Variants in ST3GAL1 observed in about 807,000 individuals in gnomAD.
ST3GAL1 encodes the protein ST3 beta-galactoside alpha-2,3-sialyltransferase 1.
In ST3GAL1, 16 loss-of-function variants were observed where a neutral mutation model predicts 34.1. That is an observed-to-expected ratio of 0.47 (90% CI 0.32 to 0.71). ST3GAL1 has a LOEUF of 0.71. ST3GAL1 is among the 30% of genes least tolerant of loss of function. The pLI, the probability that ST3GAL1 is intolerant of heterozygous loss-of-function variation, is 0.04. For synonymous variants in ST3GAL1, 191 were observed against 184.7 expected (o/e 1.03, Z -0.28); for missense variants, 353 against 447.4 (o/e 0.79, Z 1.90).
chr8:133,499,925 G>A (rs1478107813), intron 2 of ST3GAL1, among the ~76,000 whole-genome samples: 1 of 152,210 alleles, frequency 6.6e-6, no homozygotes, highest in African/African-American at 2.4e-5. Context: ...AGGGGCGGGA[G>A]GTAGTTCTGA....
chr8:133,502,040 A>T (rs1019207685), intron 2 of ST3GAL1, among the ~76,000 whole-genome samples: 1 of 152,184 alleles, frequency 6.6e-6, no homozygotes, highest in African/African-American at 2.4e-5. Context: ...GGACTCAAGC[A>T]TCCATTTCCT....
Position 133,476,091 on chromosome 8 carries a change from A to C in ST3GAL1, c.-50-17T>G. ...AACTCCCTCCTAAGAGAGGAGAAAAATGGAAGAAAAATCCCAGAGGTGGAG... is the reference window on the plus strand; with the variant it reads ...AACTCCCTCCTAAGAGAGGAGAAAACTGGAAGAAAAATCCCAGAGGTGGAG... On this transcript the variant is annotated splice_polypyrimidine_tract_variant and intron_variant, in intron 4 of 9. Transcript: ENST00000522652. The C allele has an allele frequency of 6.7e-7, 1 of 1,495,334 alleles. No homozygotes were observed. Among genetic ancestry groups the C allele is most frequent in the Non-Finnish European group, 8.9e-7 (1 of 1,118,114 alleles). 92.6% of individuals were successfully genotyped at this position (1,495,334 alleles called of 1,614,324 possible).
chr8:133,483,179 T>A (rs563533759), intron 3 of ST3GAL1, among the ~76,000 whole-genome samples: 93 of 152,108 alleles, frequency 6.1e-4, no homozygotes, highest in Non-Finnish European at 1.1e-3. Context: ...CTGTGTCTAC[T>A]AAAAATACAA....
intron 2 of ST3GAL1, among the ~76,000 whole-genome samples, chr8:133,535,031 G>A (rs79975765): frequency 0.034 from 5,147 of 152,326 alleles, 160 homozygotes; most frequent in East Asian, 0.14. Flanking sequence ...GCAGGGGTTT[G>A]AGGGCTGACG....
At chr8:133,460,314 T>C (rs575055387) in intron 9 of ST3GAL1, among the ~76,000 whole-genome samples, 1 of 152,224 alleles carries the variant, frequency 6.6e-6, no homozygotes, top group East Asian at 1.9e-4. Flanking sequence ...GAGCAGGGCT[T>C]TGGGGCCAAG....
intron 3 of ST3GAL1, among the ~76,000 whole-genome samples, chr8:133,495,712 A>C (rs11784522): frequency 0.93 from 141,165 of 152,268 alleles, 65,501 homozygotes; most frequent in East Asian, 1. Context: ...GATGGTGGAT[A>C]CCCCAAGCTC....
At chr8:133,547,864 G>A (rs1236605398) in intron 1 of ST3GAL1, among the ~76,000 whole-genome samples, 2 of 152,192 alleles carry the variant, frequency 1.3e-5, no homozygotes, top group Non-Finnish European at 2.9e-5. Context: ...TGATTATGAA[G>A]AGATAATGAG....
At position 133,529,559 on chromosome 8, in the gene ST3GAL1, G is replaced by A. The variant is rs148244844; in HGVS notation, c.-429+16215C>T. Among the ~76,000 whole-genome samples the A allele has an allele frequency of 4.0e-3, 608 of 152,274 alleles. 5 individuals carry two copies. Among genetic ancestry groups the A allele is most frequent in the African/African-American group, 0.014 (575 of 41,556 alleles). ...TCAAGGGACCCAGAGGAGGGGCTCC[G>A]GGCCCCATGGTGGGCTCTAGGGTAG... On this transcript the variant is annotated intron_variant, in intron 2 of 9. Coordinates refer to ENST00000522652, the MANE Select transcript of ST3GAL1 (RefSeq NM_173344.3).
chr8:133,495,014 G>A (rs1348941829), intron 3 of ST3GAL1, among the ~76,000 whole-genome samples: 1 of 149,478 alleles, frequency 6.7e-6, no homozygotes, highest in Non-Finnish European at 1.5e-5. Flanking sequence ...CACCTCCTGG[G>A]TTCAAGCAAT....
At chr8:133,464,736 C>T (rs1416909326) in intron 7 of ST3GAL1, 42 bp downstream of exon 7, 7 of 1,571,820 alleles carry the variant, frequency 4.5e-6, no homozygotes, top group Non-Finnish European at 6.1e-6. Context: ...GGTGCCACTG[C>T]AAGGGGCAGA....
At chr8:133,547,178 C>G (rs565763731) in intron 1 of ST3GAL1, among the ~76,000 whole-genome samples, 3 of 152,250 alleles carry the variant, frequency 2.0e-5, no homozygotes, top group Non-Finnish European at 4.4e-5. Context: ...GGCCACGAGA[C>G]TTGCTTTAGC....
At chr8:133,500,365 G>C (rs1218986863) in intron 2 of ST3GAL1, among the ~76,000 whole-genome samples, 1 of 152,162 alleles carries the variant, frequency 6.6e-6, no homozygotes, top group East Asian at 1.9e-4. Context: ...GGGCTGCCCT[G>C]CCTCTGACTC....
chr8:133,535,853 C>T (rs1818296537), intron 2 of ST3GAL1, among the ~76,000 whole-genome samples: 1 of 152,202 alleles, frequency 6.6e-6, no homozygotes, highest in Non-Finnish European at 1.5e-5. Context: ...TGCTACTGCA[C>T]ACTTCATAGA....
chr8:133,532,275 C>T (rs1818178814), intron 2 of ST3GAL1, among the ~76,000 whole-genome samples: 1 of 152,048 alleles, frequency 6.6e-6, no homozygotes, highest in Admixed American at 6.5e-5. Flanking sequence ...AGTTCGAGAC[C>T]AGCCTGGCCA....
At chr8:133,537,703 C>G (rs1818348175) in intron 2 of ST3GAL1, among the ~76,000 whole-genome samples, 1 of 152,152 alleles carries the variant, frequency 6.6e-6, no homozygotes, top group African/African-American at 2.4e-5. Flanking sequence ...CCCCTGGGGG[C>G]CGGGATTGGC....
chr8:133,489,121 G>T (rs1336846596), intron 3 of ST3GAL1, among the ~76,000 whole-genome samples: 1 of 152,132 alleles, frequency 6.6e-6, no homozygotes, highest in South Asian at 2.1e-4. Flanking sequence ...CCTAGGGTTG[G>T]AAACAGTCCC....
In ST3GAL1 at chr8:133,466,638, G is replaced by C. The variant is rs77594849; in HGVS notation, c.307-548C>G. Among the ~76,000 whole-genome samples the C allele has an allele frequency of 6.6e-6, 1 of 152,142 alleles. No homozygotes were observed. The highest frequency in any genetic ancestry group is 2.4e-5 in the African/African-American group (1 of 41,424). ...GTGGAAATGCCAGTTCTCCAGCCCCGGCCAGGGATGGGGGACAGAGCAGTA... is the reference window on the plus strand; with the variant it reads ...GTGGAAATGCCAGTTCTCCAGCCCCCGCCAGGGATGGGGGACAGAGCAGTA... On this transcript the variant is annotated intron_variant, in intron 5 of 9. Transcript: ENST00000522652. The surrounding 1 kb of genome is among the most constrained non-coding windows in gnomAD (Gnocchi z 4.4).
At chr8:133,546,774 G>A (rs939256537) in intron 1 of ST3GAL1, among the ~76,000 whole-genome samples, 8 of 151,862 alleles carry the variant, frequency 5.3e-5, no homozygotes, top group East Asian at 2.0e-4. Context: ...CAAGGTGGGC[G>A]GATCACTTGA....
intron 2 of ST3GAL1, among the ~76,000 whole-genome samples, chr8:133,528,749 C>T (rs1478955439): frequency 1.3e-5 from 2 of 152,232 alleles, no homozygotes; most frequent in African/African-American, 2.4e-5. Flanking sequence ...CTGCCTGGCC[C>T]TTTACAGAAA....
Sources: allele counts gnomAD v4.1 joint callset (sites outside exome capture counted in the v4.1 genomes callset), GRCh38; gene constraint gnomAD v4.1.1; non-coding constraint Gnocchi (gnomAD v3.1); transcripts MANE v1.5; gene names NCBI Gene and HGNC (gene_info 2026-07-23, HGNC 2026-07-21).